ZNHIT1: variants seen among roughly 807,000 people sequenced by gnomAD.
The protein encoded by ZNHIT1 is zinc finger HIT domain-containing protein 1.
A neutral mutation model predicts 21.4 loss-of-function variants in ZNHIT1; 20 were observed. The ratio of observed to expected loss-of-function variants is 0.93; its 90% confidence interval spans 0.66 to 1.36. The LOEUF is 1.36. Ranked by LOEUF, ZNHIT1 falls within the 40% of genes most tolerant of loss-of-function variation. ZNHIT1 has a pLI of 0.00. For synonymous variants in ZNHIT1, 79 were observed against 84.0 expected (o/e 0.94, Z 0.32); for missense variants, 170 against 213.5 (o/e 0.80, Z 1.27).
chr7:101,223,332 G>A (rs998561631), intron 2 of ZNHIT1, 145 bp from the exon 3 acceptor site: 118 of 872,956 alleles, frequency 1.4e-4, no homozygotes, highest in Non-Finnish European at 2.0e-4. Context: ...AGTCAAGATC[G>A]CACCACTGCA....
In ZNHIT1 at chr7:101,223,605, T is replaced by A. The variant is rs368394346; in HGVS notation, c.273+49T>A. The A allele has an allele frequency of 8.0e-4, 1,293 of 1,613,914 alleles. 15 individuals carry two copies. In the South Asian group the frequency reaches 0.013, roughly 16 times the overall value. ...GGACCCCACAGGGAAGGGGTGAGCC[T>A]GGCCCGGGCAGGTGTTCGCTGCGTG... On this transcript the variant is annotated intron_variant, in intron 3 of 4. Coordinates refer to ENST00000305105, the MANE Select transcript of ZNHIT1 (RefSeq NM_006349.3).
intron 1 of ZNHIT1, chr7:101,220,699 T>C (rs1054110266): frequency 1.3e-5 from 2 of 152,218 alleles, no homozygotes; most frequent in East Asian, 1.9e-4. Context: ...AGATATATTA[T>C]GCAAAATTAT....
At position 101,222,323 on chromosome 7, in the gene ZNHIT1, G is replaced by A. The variant is rs1391587570; in HGVS notation, c.23-281G>A. ...GGCGCTGTGACCTCCCCAGTCAGCA[G>A]TGAGCTGTCTCCAGGCCGGGGCTCA... On this transcript the variant is annotated intron_variant, in intron 1 of 4. Transcript: ENST00000305105. The A allele has an allele frequency of 3.3e-5, 14 of 430,332 alleles. No individual in the cohort carries two copies. In the East Asian group the frequency reaches 4.8e-4, roughly 15 times the overall value. The allele number at this position is 430,332 out of a possible 1,614,324, so 26.7% of individuals were successfully genotyped here.
At chr7:101,218,976 G>A (rs1040521919) in intron 1 of ZNHIT1, 6 of 152,460 alleles carry the variant, frequency 3.9e-5, no homozygotes, top group African/African-American at 1.4e-4. Flanking sequence ...CGCTTAGGAA[G>A]CCAAGTTCAC....
intron 3 of ZNHIT1, 46 bp from the exon 4 acceptor site, chr7:101,223,627 C>A (rs374990410): frequency 1.2e-6 from 2 of 1,613,174 alleles, no homozygotes; most frequent in Admixed American, 3.3e-5. Context: ...GTGTTCGCTG[C>A]GTGGGTGGGC....
intron 1 of ZNHIT1, chr7:101,221,598 G>A (rs1166621384): frequency 1.3e-5 from 2 of 152,332 alleles, no homozygotes; most frequent in Non-Finnish European, 2.9e-5. Context: ...GGAGTCATTT[G>A]CTTGTGGGTG....
At chr7:101,218,253 C>T in intron 1 of ZNHIT1, 36 bp downstream of exon 1, 1 of 1,602,482 alleles carries the variant, frequency 6.2e-7, no homozygotes, top group Non-Finnish European at 8.5e-7. Context: ...CCTTCCCCTT[C>T]CCAAGTCAGT....
rs1433985153 is a variant in ZNHIT1, at chr7:101,222,624, C to T, written c.43C>T (p.Gln15Ter). 6.2e-7 allele frequency: 1 copy of T among 1,610,306 alleles called. No homozygotes were observed. Among genetic ancestry groups the T allele is most frequent in the Non-Finnish European group, 8.5e-7 (1 of 1,177,406 alleles). The change falls in exon 2 of 5, where the codon CAG becomes TAG. Residue 15 changes from glutamine to a stop codon, truncating the protein, a stop_gained. Coordinates refer to ENST00000305105, the MANE Select transcript of ZNHIT1 (RefSeq NM_006349.3). LOFTEE classifies it high-confidence loss of function. ...TCCAGTTCGCTCCCAGGACCCCGGG[C>T]AGCGGCGGGTGCTGGACCGGGCTGC... ...KTSVRSQDPG[Q>*]RRVLDRAARQ...
chr7:101,220,112 G>GTTTTTTTTTTTTTT (rs10615658), intron 1 of ZNHIT1: 2 of 105,230 alleles, frequency 1.9e-5, no homozygotes, highest in Non-Finnish European at 3.8e-5. Context: ...TTGGTTTTGG[G>GTTTTTTTTTTTTTT]TTTTTTTTTT....
chr7:101,218,345 C>T (rs554281026), intron 1 of ZNHIT1, 128 bp downstream of exon 1: 10 of 1,001,946 alleles, frequency 1.0e-5, no homozygotes, highest in Admixed American at 2.7e-5. Context: ...ATAGTCATAG[C>T]TCACTGCAGC....
Position 101,223,492 on chromosome 7 carries a change from A to G in ZNHIT1, c.209A>G (p.Lys70Arg). 1 of 1,614,166 alleles carries G rather than the reference A, an allele frequency of 6.2e-7. No homozygotes were observed. Among genetic ancestry groups the G allele is most frequent in the South Asian group, 1.1e-5 (1 of 91,084 alleles). Residue 70 changes from lysine to arginine, a missense_variant, in exon 3 of 5, where the codon AAA becomes AGA. Coordinates refer to ENST00000305105, the MANE Select transcript of ZNHIT1 (RefSeq NM_006349.3). ...TGACCCCTAGGAAAGAAAAAGAAGA[A>G]AACCCGAGGTGATCATTTTAAACTT... is the stretch of plus-strand genomic sequence containing the variant. ...DDADTGKKKK[K>R]TRGDHFKLRF... is the part of the protein sequence containing the mutation.
chr7:101,222,875 C>T (rs1339436536), intron 2 of ZNHIT1, 101 bp downstream of exon 2: 45 of 1,453,288 alleles, frequency 3.1e-5, no homozygotes, highest in Non-Finnish European at 4.2e-5. Context: ...CCTGGTGCCT[C>T]TGCCAGTGAC....
chr7:101,223,613 G>A (rs1295941518), intron 3 of ZNHIT1, 57 bp downstream of exon 3: 5 of 1,613,632 alleles, frequency 3.1e-6, no homozygotes, highest in African/African-American at 2.7e-5. Context: ...CCTGGCCCGG[G>A]CAGGTGTTCG....
intron 2 of ZNHIT1, 24 bp downstream of exon 2, chr7:101,222,798 G>T (rs199994531): frequency 6.2e-7 from 1 of 1,609,266 alleles, no homozygotes; most frequent in East Asian, 2.2e-5. Flanking sequence ...AGGAGGAAGC[G>T]GGGGATGGGA....
Position 101,223,714 on chromosome 7 carries a change from T to C in ZNHIT1, c.315T>C (p.Cys105=). 1 of 1,612,866 alleles carries C rather than the reference T, an allele frequency of 6.2e-7. No individual in the cohort carries two copies. Among genetic ancestry groups the C allele is most frequent in the Non-Finnish European group, 8.5e-7 (1 of 1,179,454 alleles). Residue 105 remains cysteine (C), a synonymous_variant, in exon 4 of 5, where the codon TGT becomes TGC. Coordinates refer to ENST00000305105, the MANE Select transcript of ZNHIT1 (RefSeq NM_006349.3). ...AGGGCCCTAACTACCTGACGGCCTG[T>C]GCGGGACCCCCATCGCGGCCCCAGC... ...VAEGPNYLTA[C]AGPPSRPQRP... is the part of the protein sequence containing the mutation.
chr7:101,224,130 A>C lies in ZNHIT1; in HGVS notation c.*172A>C. On this transcript the variant is annotated 3_prime_UTR_variant, in exon 5 of 5. Coordinates refer to ENST00000305105, the MANE Select transcript of ZNHIT1 (RefSeq NM_006349.3). ...GGAAAGACCAGCCTCACTCCTGGGA[A>C]CTGTCTGGCAGGTAGGCTGGGCCCC... 9.9e-7 allele frequency: 1 copy of C among 1,006,456 alleles called. No individual in the cohort carries two copies. Among genetic ancestry groups the C allele is most frequent in the Non-Finnish European group, 1.5e-6 (1 of 685,640 alleles). 62.3% of individuals were successfully genotyped at this position (1,006,456 alleles called of 1,614,324 possible). A position where few individuals can be genotyped will look rare whatever the true frequency, so the allele number is the denominator to read the frequency against.
At position 101,223,740 on chromosome 7, in the gene ZNHIT1, G is replaced by T. The variant is rs758030402; in HGVS notation, c.341G>T (p.Arg114Leu). The part of the protein sequence containing the change: ...ACAGPPSRPQ[R>L]PFCAVCGFPS... ...GCGGGACCCCCATCGCGGCCCCAGC[G>T]CCCCTTCTGTGCTGTCTGTGGCTTC... Residue 114 changes from arginine to leucine, a missense_variant, in exon 4 of 5, where the codon CGC becomes CTC. Physicochemically the swap from Arg to Leu is moderately radical, Grantham distance 102. Coordinates refer to ENST00000305105, the MANE Select transcript of ZNHIT1 (RefSeq NM_006349.3). The T allele has an allele frequency of 6.2e-7, 1 of 1,613,922 alleles. No homozygotes were observed. Among genetic ancestry groups the T allele is most frequent in the East Asian group, 2.2e-5 (1 of 44,868 alleles).
rs1798406142 is a variant in ZNHIT1, at chr7:101,223,547, G to A, written c.264G>A (p.Leu88=). The A allele has an allele frequency of 1.2e-6, 2 of 1,614,222 alleles. No individual in the cohort carries two copies. Among genetic ancestry groups the A allele is most frequent in the Non-Finnish European group, 1.7e-6 (2 of 1,180,036 alleles). The change falls in exon 3 of 5, where the codon TTG becomes TTA. Residue 88 remains leucine, a synonymous_variant. Transcript: ENST00000305105. ...LRFRKNFQAL[L]EEQNLSVAEG... ...TCCGAAAAAACTTTCAGGCCCTGTTGGAGGAGCAGGTGAGAGGAGGGTCGG... is the reference window on the plus strand; with the variant it reads ...TCCGAAAAAACTTTCAGGCCCTGTTAGAGGAGCAGGTGAGAGGAGGGTCGG...
chr7:101,222,918 T>C, intron 2 of ZNHIT1, 144 bp downstream of exon 2: 4 of 1,028,068 alleles, frequency 3.9e-6, no homozygotes, highest in Non-Finnish European at 5.6e-6. Context: ...CCACACCCCC[T>C]TTCTGTGCCT....
Sources: allele counts gnomAD v4.1 joint callset, GRCh38; gene constraint gnomAD v4.1.1; transcripts MANE v1.5; gene names NCBI Gene and HGNC (gene_info 2026-07-23, HGNC 2026-07-21).